The following HHAT variants were observed in gnomAD, a reference collection of about 807,000 sequenced individuals.
HHAT encodes hedgehog acyltransferase.
A neutral mutation model predicts 70.8 loss-of-function variants in HHAT; 47 were observed. The ratio of observed to expected loss-of-function variants is 0.66; its 90% CI spans 0.53 to 0.85. The LOEUF is 0.85. Among genes scored for constraint, HHAT ranks in the 40% least tolerant of loss-of-function variants. The pLI is 0.00. For missense variants in HHAT, 609 were observed against 604.8 expected (o/e 1.01, Z -0.07); for synonymous variants, 228 against 247.6 (o/e 0.92, Z 0.74).
intron 5 of HHAT, among the ~76,000 whole-genome samples, chr1:210,401,531 A>G (rs2092074203): frequency 6.6e-6 from 1 of 152,262 alleles, no homozygotes. Context: ...CTGTAAACCC[A>G]GAGGCATTTT....
chr1:210,344,947 C>A (rs1026151982), intron 1 of HHAT, among the ~76,000 whole-genome samples: 3 of 151,870 alleles, frequency 2.0e-5, no homozygotes, highest in African/African-American at 7.3e-5. Flanking sequence ...TGCACTGCCT[C>A]ACCCCATGCC....
intron 9 of HHAT, among the ~76,000 whole-genome samples, chr1:210,559,740 G>A (rs1176692790): frequency 6.6e-6 from 1 of 151,060 alleles, no homozygotes; most frequent in East Asian, 1.9e-4. Flanking sequence ...GCTGCTCTAT[G>A]GATGAGTGAC....
chr1:210,349,694 C>T (rs1187450881), intron 2 of HHAT, among the ~76,000 whole-genome samples: 1 of 150,802 alleles, frequency 6.6e-6, no homozygotes, highest in East Asian at 1.9e-4. Flanking sequence ...CTCTTGTCGC[C>T]CAGGCTAGAG....
chr1:210,671,336 G>T (rs138259514), intron 11 of HHAT, among the ~76,000 whole-genome samples: 1 of 152,222 alleles, frequency 6.6e-6, no homozygotes, highest in South Asian at 2.1e-4. Context: ...GGTGTTGGCC[G>T]GTCCCCTGGC....
chr1:210,514,539 C>G (rs2095020468), intron 9 of HHAT, among the ~76,000 whole-genome samples: 1 of 152,048 alleles, frequency 6.6e-6, no homozygotes, highest in Non-Finnish European at 1.5e-5. Context: ...CCCTTAATGC[C>G]TTGTAGTGGA....
intron 7 of HHAT, among the ~76,000 whole-genome samples, chr1:210,460,028 C>A (rs2093947868): frequency 2.0e-5 from 3 of 152,182 alleles, no homozygotes. Context: ...TGATGCTGTT[C>A]ACCAGAACAT....
intron 11 of HHAT, among the ~76,000 whole-genome samples, chr1:210,672,232 C>T (rs1235515590): frequency 6.6e-6 from 1 of 152,202 alleles, no homozygotes; most frequent in Non-Finnish European, 1.5e-5. Context: ...CACTATGCTA[C>T]AGTGACTTCC....
Position 210,454,075 on chromosome 1 carries a change from G to A in HHAT, c.857-10430G>A, listed in dbSNP as rs953896268. 4.6e-5 allele frequency among the ~76,000 whole-genome samples: 7 copies of A among 152,228 alleles called. No individual in the cohort carries two copies. In the East Asian group the frequency reaches 1.4e-3, roughly 29 times the overall value. On this transcript the variant is annotated intron_variant, in intron 7 of 11. Transcript: ENST00000261458. ...CAGATCTTGTGAGACTTACTATCAC[G>A]AGAATAGCGTGGGAAAGACTGGCCC...
intron 3 of HHAT, 52 bp from the exon 4 acceptor site, chr1:210,387,416 T>G: frequency 6.9e-7 from 1 of 1,446,918 alleles, no homozygotes; most frequent in Non-Finnish European, 9.7e-7. Flanking sequence ...GTTTGTGTTC[T>G]GACTCAGACG....
At chr1:210,412,162 T>C (rs1413023488) in intron 6 of HHAT, among the ~76,000 whole-genome samples, 2 of 152,142 alleles carry the variant, frequency 1.3e-5, no homozygotes, top group African/African-American at 4.8e-5. Flanking sequence ...CATGACCTAA[T>C]TACTTCCTAA....
At chr1:210,476,925 C>A (rs2094314673) in intron 8 of HHAT, among the ~76,000 whole-genome samples, 1 of 152,202 alleles carries the variant, frequency 6.6e-6, no homozygotes, top group African/African-American at 2.4e-5. Flanking sequence ...CAGATGACTT[C>A]TCAGGACTTC....
intron 9 of HHAT, among the ~76,000 whole-genome samples, chr1:210,561,891 T>C (rs1474991496): frequency 1.3e-5 from 2 of 152,216 alleles, no homozygotes; most frequent in Non-Finnish European, 2.9e-5. Flanking sequence ...CTCTGGCATC[T>C]TCATTTTCCT....
At chr1:210,479,263 C>T (rs993987406) in intron 8 of HHAT, among the ~76,000 whole-genome samples, 1 of 152,158 alleles carries the variant, frequency 6.6e-6, no homozygotes, top group Non-Finnish European at 1.5e-5. Flanking sequence ...TCCAAATTCT[C>T]TTTGGTCAAG....
intron 8 of HHAT, among the ~76,000 whole-genome samples, chr1:210,471,048 CCCAGCATTCAGTGG>C (rs2094195765): frequency 1.3e-5 from 2 of 152,244 alleles, no homozygotes; most frequent in South Asian, 4.2e-4. Context: ...CTCCTCAGTG[CCCAGCATTCAGTGG>C]AAAGCTATGC....
At chr1:210,374,270 T>G (rs966920993) in intron 3 of HHAT, 5 of 149,848 alleles carry the variant, frequency 3.3e-5, no homozygotes, top group African/African-American at 7.5e-5. Context: ...ACCAGTGTAA[T>G]GCTACAAATT....
rs147251451 is a variant in HHAT, at chr1:210,398,147, C to A, written c.274-2321C>A. 3.5e-3 allele frequency among the ~76,000 whole-genome samples: 529 copies of A among 152,310 alleles called. 4 individuals are homozygous for A. Among genetic ancestry groups the A allele is most frequent in the Non-Finnish European group, 6.0e-3 (405 of 68,028 alleles). ...TTAATGGTGTTTTGGGGATAGGATT[C>A]ATTCCAATAGCATTTTTATAGACAA... On this transcript the variant is annotated intron_variant, in intron 4 of 11. Transcript: ENST00000261458.
chr1:210,533,711 G>A (rs2095339832), intron 9 of HHAT, among the ~76,000 whole-genome samples: 1 of 152,172 alleles, frequency 6.6e-6, no homozygotes, highest in African/African-American at 2.4e-5. Flanking sequence ...TTAAATTGGG[G>A]ATCTTTAAAT....
intron 8 of HHAT, among the ~76,000 whole-genome samples, chr1:210,500,178 G>A (rs370523594): frequency 2.4e-4 from 37 of 152,300 alleles, no homozygotes; most frequent in African/African-American, 8.9e-4. Context: ...AAGGGATCAT[G>A]TGATGTCTAC....
intron 9 of HHAT, among the ~76,000 whole-genome samples, chr1:210,581,683 G>A (rs1248500593): frequency 2.6e-5 from 4 of 152,210 alleles, no homozygotes; most frequent in African/African-American, 9.6e-5. Context: ...TACAAAGTGT[G>A]GAGAAACTTC....
Sources: gnomAD v4.1 joint callset for allele counts (sites outside exome capture counted in the v4.1 genomes callset) on GRCh38, gnomAD v4.1.1 for gene constraint, MANE v1.5 for transcripts, NCBI Gene and HGNC (gene_info 2026-07-23, HGNC 2026-07-21) for gene names.